GPATCH2: variants seen among roughly 807,000 people sequenced by gnomAD.
GPATCH2 encodes G-patch domain containing 2, also known as G patch domain-containing protein 2.
A neutral mutation model predicts 58.0 loss-of-function variants in GPATCH2; 51 were observed. The ratio of observed to expected loss-of-function variants is 0.88; its 90% CI spans 0.70 to 1.11. GPATCH2 has a LOEUF of 1.11. Ranked by LOEUF, GPATCH2 falls within the 50% of genes most tolerant of loss-of-function variation. The probability of loss-of-function intolerance (pLI) is 0.00; values close to 1 mark genes in which losing one functional copy is unlikely to be tolerated. For synonymous variants in GPATCH2, 222 were observed against 218.5 expected (o/e 1.02, Z -0.14); for missense variants, 625 against 652.2 (o/e 0.96, Z 0.45).
chr1:217,450,456 A>G (rs1659609282), intron 8 of GPATCH2, among the ~76,000 whole-genome samples: 2 of 152,144 alleles, frequency 1.3e-5, no homozygotes, highest in African/African-American at 4.8e-5. Flanking sequence ...TGGAGAGTAC[A>G]GTTATTTCAA....
At chr1:217,506,574 A>G (rs1434300608) in intron 6 of GPATCH2, among the ~76,000 whole-genome samples, 1 of 152,198 alleles carries the variant, frequency 6.6e-6, no homozygotes, top group Non-Finnish European at 1.5e-5. Context: ...ATGATTGTCA[A>G]TGTAGAAATT....
chr1:217,567,405 A>C (rs1438379635), intron 5 of GPATCH2, among the ~76,000 whole-genome samples: 3 of 152,164 alleles, frequency 2.0e-5, no homozygotes, highest in Non-Finnish European at 4.4e-5. Context: ...TTCTTTTCTA[A>C]TTCATGATTA....
intron 5 of GPATCH2, chr1:217,610,039 T>G: frequency 6.9e-7 from 1 of 1,442,312 alleles, no homozygotes; most frequent in Non-Finnish European, 9.1e-7. Context: ...CATCTTTTCA[T>G]CAAAGAGGCT....
At chr1:217,498,218 G>A (rs1662105214) in intron 7 of GPATCH2, 138 bp downstream of exon 7, 9 of 786,500 alleles carry the variant, frequency 1.1e-5, no homozygotes, top group South Asian at 6.8e-5. Flanking sequence ...GTATTTAATC[G>A]TTGACATAAT....
At chr1:217,449,760 A>G (rs980736983) in intron 8 of GPATCH2, among the ~76,000 whole-genome samples, 5 of 152,234 alleles carry the variant, frequency 3.3e-5, no homozygotes, top group Non-Finnish European at 7.3e-5. Context: ...TTCTTTTAGG[A>G]TATTACGCAG....
At chr1:217,535,279 G>T (rs1664405273) in intron 5 of GPATCH2, among the ~76,000 whole-genome samples, 1 of 152,220 alleles carries the variant, frequency 6.6e-6, no homozygotes, top group South Asian at 2.1e-4. Context: ...TCAATGTCAA[G>T]TATCTACTTA....
intron 9 of GPATCH2, among the ~76,000 whole-genome samples, chr1:217,441,755 T>C (rs1044470945): frequency 1.3e-5 from 2 of 152,186 alleles, no homozygotes. Context: ...TCATCATCAC[T>C]GGTCATTAGA....
At chr1:217,558,010 C>G (rs1474988261) in intron 5 of GPATCH2, among the ~76,000 whole-genome samples, 1 of 151,926 alleles carries the variant, frequency 6.6e-6, no homozygotes, top group Non-Finnish European at 1.5e-5. Flanking sequence ...TTTTTTAACC[C>G]CCTGACTTTT....
At chr1:217,530,812 G>A (rs1664149078) in intron 5 of GPATCH2, among the ~76,000 whole-genome samples, 1 of 152,076 alleles carries the variant, frequency 6.6e-6, no homozygotes, top group Non-Finnish European at 1.5e-5. Flanking sequence ...TGACTGTATA[G>A]GCTGATAATT....
intron 5 of GPATCH2, among the ~76,000 whole-genome samples, chr1:217,575,171 T>A (rs34391829): frequency 1.3e-5 from 2 of 152,080 alleles, no homozygotes; most frequent in African/African-American, 4.8e-5. Context: ...GTCACAATGC[T>A]AGATTTCTGC....
At chr1:217,568,048 C>T (rs563904272) in intron 5 of GPATCH2, among the ~76,000 whole-genome samples, 19 of 152,194 alleles carry the variant, frequency 1.2e-4, no homozygotes, top group South Asian at 1.2e-3. Context: ...ACCCAGGAGG[C>T]GGAGCTTGCA....
At chr1:217,481,467 A>C (rs987138688) in intron 8 of GPATCH2, among the ~76,000 whole-genome samples, 3 of 152,240 alleles carry the variant, frequency 2.0e-5, no homozygotes, top group African/African-American at 7.2e-5. Context: ...ATGGTAAAGA[A>C]TAGGGTTGGG....
intron 8 of GPATCH2, among the ~76,000 whole-genome samples, chr1:217,450,200 G>C (rs540551433): frequency 1.3e-5 from 2 of 152,194 alleles, no homozygotes; most frequent in East Asian, 3.9e-4. Context: ...GGTTGGGATA[G>C]GGCCTGGGGA....
At chr1:217,525,092 T>C (rs1459515207) in intron 5 of GPATCH2, among the ~76,000 whole-genome samples, 1 of 151,534 alleles carries the variant, frequency 6.6e-6, no homozygotes. Flanking sequence ...ATATACTCTA[T>C]TAAAAATTAT....
intron 9 of GPATCH2, among the ~76,000 whole-genome samples, chr1:217,446,339 T>C (rs1308827074): frequency 6.6e-6 from 1 of 152,122 alleles, no homozygotes; most frequent in African/African-American, 2.4e-5. Flanking sequence ...AACTAACTCT[T>C]TATTATGTGA....
At chr1:217,484,234 T>C (rs1340704782) in intron 8 of GPATCH2, among the ~76,000 whole-genome samples, 2 of 152,094 alleles carry the variant, frequency 1.3e-5, no homozygotes, top group Non-Finnish European at 2.9e-5. Flanking sequence ...TAATCAATTG[T>C]TTTTTAGAAC....
Position 217,599,558 on chromosome 1 carries a change from A to G in GPATCH2, c.1098+10763T>C, listed in dbSNP as rs529954716. Among the ~76,000 whole-genome samples the G allele has an allele frequency of 2.0e-5, 3 of 152,286 alleles. No homozygotes were observed. The South Asian group carries it at 6.2e-4, about 32-fold the overall frequency. The stretch of plus-strand genomic sequence containing the variant: ...ACTTAGGATCAATGCTTCCCTTAAC[A>G]AATGTTAGGTCTCTTTCTTTGCTCC... On this transcript the variant is annotated intron_variant, in intron 5 of 9. Coordinates refer to ENST00000366935, the MANE Select transcript of GPATCH2 (RefSeq NM_018040.5).
intron 5 of GPATCH2, among the ~76,000 whole-genome samples, chr1:217,538,027 C>G (rs1261667817): frequency 6.6e-5 from 10 of 152,142 alleles, no homozygotes; most frequent in Admixed American, 6.5e-4. Context: ...CAAAACTATT[C>G]TCTCAGCCCT....
intron 9 of GPATCH2, among the ~76,000 whole-genome samples, chr1:217,439,632 AAGAAAAG>A (rs1162553448): frequency 6.6e-6 from 1 of 152,222 alleles, no homozygotes. Context: ...ACTAATGAAG[AAGAAAAG>A]AGAAAAGAAT....
Sources: allele counts gnomAD v4.1 joint callset (sites outside exome capture counted in the v4.1 genomes callset), GRCh38; gene constraint gnomAD v4.1.1; transcripts MANE v1.5; gene names NCBI Gene and HGNC (gene_info 2026-07-23, HGNC 2026-07-21).